ZMYM2: variants seen among roughly 807,000 people sequenced by gnomAD.
ZMYM2 encodes the protein zinc finger MYM-type protein 2.
ZMYM2 carries 56 observed loss-of-function variants against 162.8 expected under a neutral mutation model. The ratio of observed to expected loss-of-function variants is 0.34; its 90% CI spans 0.28 to 0.43. ZMYM2 has a LOEUF of 0.43. Among genes scored for constraint, ZMYM2 ranks in the 20% least tolerant of loss-of-function variants. The probability of loss-of-function intolerance (pLI) is 1.00; values close to 1 mark genes in which losing one functional copy is unlikely to be tolerated. For missense variants in ZMYM2, 1,275 were observed against 1,621.8 expected (o/e 0.79, Z 3.67); for synonymous variants, 510 against 541.6 (o/e 0.94, Z 0.81).
intron 21 of ZMYM2, among the ~76,000 whole-genome samples, chr13:20,074,835 G>A (rs1247372422): frequency 6.6e-6 from 1 of 152,088 alleles, no homozygotes; most frequent in Admixed American, 6.5e-5. Flanking sequence ...ACTGCGCCCG[G>A]CCTTCCTTCC....
intron 21 of ZMYM2, among the ~76,000 whole-genome samples, chr13:20,078,288 A>G (rs1340698633): frequency 1.3e-5 from 2 of 150,770 alleles, no homozygotes; most frequent in Non-Finnish European, 2.9e-5. Context: ...CTTTATTCAT[A>G]TAACGTTTAA....
chr13:20,082,240 C>A, intron 22 of ZMYM2, 110 bp downstream of exon 22: 1 of 827,930 alleles, frequency 1.2e-6, no homozygotes, highest in Non-Finnish European at 1.9e-6. Flanking sequence ...ATAACATTTT[C>A]TGAACACTTA....
chr13:19,939,569 G>C, the ZMYM2 span, among the ~76,000 whole-genome samples: 1 of 151,970 alleles, frequency 6.6e-6, no homozygotes, highest in South Asian at 2.1e-4. Flanking sequence ...TTCCATTTTT[G>C]GCTATTTAAT....
chr13:19,963,522 T>G (rs2139107719), intron 2 of ZMYM2, among the ~76,000 whole-genome samples: 1 of 152,300 alleles, frequency 6.6e-6, no homozygotes, highest in East Asian at 1.9e-4. Context: ...ATTTTTTTTT[T>G]TATGTAGTTG....
In ZMYM2 at chr13:20,062,828, A is replaced by G. The variant is rs1956329593; in HGVS notation, c.2912-18A>G. The G allele has an allele frequency of 6.5e-7, 1 of 1,546,410 alleles. No individual in the cohort carries two copies. The highest frequency in any genetic ancestry group is 8.7e-7 in the Non-Finnish European group (1 of 1,143,568). On this transcript the variant is annotated intron_variant, in intron 17 of 24. Coordinates refer to ENST00000610343, the MANE Select transcript of ZMYM2 (RefSeq NM_197968.4). ...GTTTTCTGTTTTGATTCCTAATGAT[A>G]ATATGGATTGATTTCAGGTGTAATT...
At chr13:19,988,951 C>A (rs1233700305) in intron 2 of ZMYM2, among the ~76,000 whole-genome samples, 1 of 152,132 alleles carries the variant, frequency 6.6e-6, no homozygotes, top group Non-Finnish European at 1.5e-5. Flanking sequence ...CCTTTTCCTT[C>A]CTTTATTCAG....
the ZMYM2 span, among the ~76,000 whole-genome samples, chr13:19,944,006 T>C: frequency 4.5e-4 from 69 of 152,194 alleles, no homozygotes; most frequent in African/African-American, 1.5e-3. Flanking sequence ...CATTGTAAAA[T>C]ATGCGGGGCT....
chr13:19,888,721 T>C, the ZMYM2 span, among the ~76,000 whole-genome samples: 1 of 151,832 alleles, frequency 6.6e-6, no homozygotes, highest in South Asian at 2.1e-4. Flanking sequence ...TGCCTTGGCC[T>C]CCTGAGTCGC....
chr13:19,911,908 T>C, the ZMYM2 span, among the ~76,000 whole-genome samples: 6 of 152,206 alleles, frequency 3.9e-5, no homozygotes, highest in Non-Finnish European at 8.8e-5. Flanking sequence ...CAGGGATTAA[T>C]ATCACTGTCG....
chr13:19,976,374 T>C (rs1956793307), intron 2 of ZMYM2, among the ~76,000 whole-genome samples: 1 of 151,666 alleles, frequency 6.6e-6, no homozygotes, highest in Non-Finnish European at 1.5e-5. Flanking sequence ...GCAATCCTAG[T>C]GCGTGTGAAA....
chr13:19,971,262 A>ATATATATATATATATCTT (rs1329532735), intron 2 of ZMYM2, among the ~76,000 whole-genome samples: 1 of 78,330 alleles, frequency 1.3e-5, no homozygotes, highest in Non-Finnish European at 2.4e-5. Context: ...ATATATATAT[A>ATATATATATATATATCTT]TTTTTTTTTT....
chr13:20,041,133 T>C (rs540580335), intron 12 of ZMYM2, among the ~76,000 whole-genome samples: 8 of 152,332 alleles, frequency 5.3e-5, no homozygotes, highest in Admixed American at 3.9e-4. Flanking sequence ...TGAATATCTT[T>C]ATTAATTATC....
chr13:20,079,891 T>A (rs1196497036), intron 21 of ZMYM2, among the ~76,000 whole-genome samples: 1 of 152,212 alleles, frequency 6.6e-6, no homozygotes, highest in East Asian at 1.9e-4. Flanking sequence ...TTTCCCTCAT[T>A]TTTTATTACA....
intron 3 of ZMYM2, among the ~76,000 whole-genome samples, chr13:19,997,526 G>A (rs1337308273): frequency 1.3e-5 from 2 of 151,846 alleles, no homozygotes; most frequent in Admixed American, 6.6e-5. Flanking sequence ...TGTGTGTATG[G>A]GTGTATGTGT....
intron 9 of ZMYM2, among the ~76,000 whole-genome samples, chr13:20,030,676 G>T (rs1461701085): frequency 6.6e-6 from 1 of 151,990 alleles, no homozygotes; most frequent in Non-Finnish European, 1.5e-5. Context: ...GGGATTACAG[G>T]CATGAGCCAC....
chr13:19,916,069 G>A, the ZMYM2 span, among the ~76,000 whole-genome samples: 2 of 151,900 alleles, frequency 1.3e-5, no homozygotes, highest in African/African-American at 4.8e-5. Context: ...CACCGTGTTA[G>A]CCAGGTTGGT....
chr13:20,023,332 C>T (rs1038074563), intron 7 of ZMYM2, among the ~76,000 whole-genome samples: 1 of 152,166 alleles, frequency 6.6e-6, no homozygotes, highest in African/African-American at 2.4e-5. Flanking sequence ...TTTGCAGCAG[C>T]AGGTACATCA....
chr13:19,902,966 G>A, the ZMYM2 span, among the ~76,000 whole-genome samples: 2 of 152,046 alleles, frequency 1.3e-5, no homozygotes, highest in African/African-American at 4.8e-5. Context: ...AGACCAGCCT[G>A]ACCAACATGG....
At chr13:20,074,711 TGTATTTTTA>T (rs1223236219) in intron 21 of ZMYM2, among the ~76,000 whole-genome samples, 1 of 152,148 alleles carries the variant, frequency 6.6e-6, no homozygotes, top group Non-Finnish European at 1.5e-5. Flanking sequence ...GCTAATTTTT[TGTATTTTTA>T]GTAGAGACGA....
Sources: gnomAD v4.1 joint callset for allele counts (sites outside exome capture counted in the v4.1 genomes callset) on GRCh38, gnomAD v4.1.1 for gene constraint, MANE v1.5 for transcripts, NCBI Gene and HGNC (gene_info 2026-07-23, HGNC 2026-07-21) for gene names.